ZNF721: variants seen among roughly 807,000 people sequenced by gnomAD.
The protein encoded by ZNF721 is zinc finger protein 721.
Under a neutral mutation model 2.4 loss-of-function variants are expected in ZNF721, and 2 were observed. The observed-to-expected ratio is 0.82, with a 90% confidence interval of 0.34 to 2.58. The LOEUF is 2.58. Among genes scored for constraint, ZNF721 ranks in the 30% most tolerant of loss-of-function variants. The pLI, the probability that ZNF721 is intolerant of heterozygous loss-of-function variation, is 0.11. For synonymous variants in ZNF721, 398 were observed against 381.8 expected (o/e 1.04, Z -0.50); for missense variants, 1,187 against 1,085.5 (o/e 1.09, Z -1.31).
Position 461,352 on chromosome 4 carries a change from C to T in ZNF721, c.34+11223G>A, listed in dbSNP as rs1320621693. On this transcript the variant is annotated intron_variant, in intron 2 of 2. Transcript: ENST00000511833. ...ACATAAACAGAACCGATGACAAAAA[C>T]CACATGATTATCTCAATAGATGCAG... is the stretch of plus-strand genomic sequence containing the variant. Among the ~76,000 whole-genome samples, 7 of 152,282 alleles carry T rather than the reference C, an allele frequency of 4.6e-5. No individual in the cohort carries two copies. In the South Asian group the frequency reaches 6.2e-4, roughly 14 times the overall value.
intron 1 of ZNF721, among the ~76,000 whole-genome samples, chr4:478,470 AT>A (rs1158948278): frequency 1.3e-5 from 2 of 151,756 alleles, no homozygotes; most frequent in Admixed American, 6.6e-5. Context: ...CTCCTCTCTC[AT>A]TTTTTTAACT....
rs781948850 is a variant in ZNF721 at position 444,419 on chromosome 4, A to C, written c.48T>G (p.His16Gln). Residue 16 changes from histidine (H) to glutamine (Q), a missense_variant, in exon 3 of 3, where the codon CAT (histidine) becomes CAG (glutamine). His to Gln is a conservative substitution (Grantham distance 24, BLOSUM62 0). Coordinates refer to ENST00000511833, the MANE Select transcript of ZNF721 (RefSeq NM_133474.4). ...GCACTGGCAAAAAGTCTTGGGTGAA[A>C]TGAGAACACATAGCTGAAAGAAACA... ...RNLVSLAMCS[H>Q]FTQDFLPVQG... 3.2e-6 allele frequency: 5 copies of C among 1,581,744 alleles called. No individual in the cohort carries two copies. Among genetic ancestry groups the C allele is most frequent in the Admixed American group, 3.8e-5 (2 of 52,550 alleles).
At chr4:498,730 T>C (rs938218442) in intron 1 of ZNF721, among the ~76,000 whole-genome samples, 2 of 146,710 alleles carry the variant, frequency 1.4e-5, no homozygotes, top group African/African-American at 5.2e-5. Flanking sequence ...AATTTTCTTT[T>C]TTTTTTTTTT....
At chr4:473,128 C>T (rs920359748) in intron 1 of ZNF721, among the ~76,000 whole-genome samples, 2 of 152,078 alleles carry the variant, frequency 1.3e-5, no homozygotes, top group African/African-American at 2.4e-5. Context: ...CACTTCACTA[C>T]GGGAAGACTG....
intron 1 of ZNF721, among the ~76,000 whole-genome samples, chr4:475,100 T>C (rs1324680941): frequency 6.6e-6 from 1 of 151,704 alleles, no homozygotes; most frequent in African/African-American, 2.4e-5. Flanking sequence ...GGCAGGAGAA[T>C]GGCGTGAACC....
At chr4:459,105 TGA>T (rs1286235190) in intron 2 of ZNF721, among the ~76,000 whole-genome samples, 2 of 152,130 alleles carry the variant, frequency 1.3e-5, no homozygotes, top group African/African-American at 4.8e-5. Flanking sequence ...AAGCAAATGC[TGA>T]GAGATTGTCA....
At chr4:472,537 A>T (rs1553867844) in intron 2 of ZNF721, 38 bp downstream of exon 2, 1 of 1,572,728 alleles carries the variant, frequency 6.4e-7, no homozygotes, top group East Asian at 2.2e-5. Flanking sequence ...TAAAACTCAG[A>T]GGGAGTATTA....
chr4:442,053 C>T lies in ZNF721; in HGVS notation c.2414G>A (p.Gly805Asp), dbSNP rs781876306. ...TTCTAAACATTTAAAGGGTTTCTCA[C>T]CTGTATGAATCCTCTTATGTTTAGC... ...SFAKHKRIHT[G>D]EKPFKCLECG... is the part of the protein sequence containing the mutation. The change falls in exon 3 of 3, where the codon GGT becomes GAT. Residue 805 changes from glycine to aspartate, a missense_variant. Transcript: ENST00000511833. The T allele has an allele frequency of 1.9e-6, 3 of 1,613,906 alleles. No individual in the cohort carries two copies. The highest frequency in any genetic ancestry group is 2.2e-5 in the South Asian group (2 of 91,076).
rs572588373 is a variant in ZNF721 at position 496,273 on chromosome 4, C to T, written c.-94+2783G>A. Among the ~76,000 whole-genome samples the T allele has an allele frequency of 2.0e-5, 3 of 152,214 alleles. No homozygotes were observed. In the East Asian group the frequency reaches 5.8e-4, roughly 29 times the overall value. Reference sequence around the variant, plus strand: ...GGACCCAAAACGTGCTGCTTGCAGACCTAGCTTTTCAGGGCTGTTACCCCC... The same window carrying T: ...GGACCCAAAACGTGCTGCTTGCAGATCTAGCTTTTCAGGGCTGTTACCCCC... On this transcript the variant is annotated intron_variant, in intron 1 of 2. Coordinates refer to ENST00000511833, the MANE Select transcript of ZNF721 (RefSeq NM_133474.4).
chr4:494,786 C>A (rs1716107668), intron 1 of ZNF721, among the ~76,000 whole-genome samples: 1 of 152,018 alleles, frequency 6.6e-6, no homozygotes, highest in Non-Finnish European at 1.5e-5. Flanking sequence ...TAGATAGGGA[C>A]TACTGGATCT....
rs1045850031 is a variant in ZNF721, at chr4:439,998, A to G, written c.*1697T>C. ...TTCACGGCACAAAAATTTTAACACA[A>G]TAACAATTTTTATTTCAAAAATTAA... is the stretch of plus-strand genomic sequence containing the variant. On this transcript the variant is annotated 3_prime_UTR_variant, in exon 3 of 3. Coordinates refer to ENST00000511833, the MANE Select transcript of ZNF721 (RefSeq NM_133474.4). The G allele has an allele frequency of 5.3e-5, 8 of 152,186 alleles. No individual in the cohort carries two copies. The highest frequency in any genetic ancestry group is 4.6e-4 in the Admixed American group (7 of 15,282). The allele number at this position is 152,186 out of a possible 1,614,324, so 9.4% of individuals were successfully genotyped here. A position where few individuals can be genotyped will look rare whatever the true frequency, so the allele number is the denominator to read the frequency against.
chr4:488,935 GA>G (rs1280768082), intron 1 of ZNF721, among the ~76,000 whole-genome samples: 4 of 152,122 alleles, frequency 2.6e-5, no homozygotes, highest in Admixed American at 6.5e-5. Flanking sequence ...CTCAGGAGAG[GA>G]AAAACACCCA....
At chr4:470,279 G>A (rs1715391787) in intron 2 of ZNF721, among the ~76,000 whole-genome samples, 1 of 152,062 alleles carries the variant, frequency 6.6e-6, no homozygotes, top group South Asian at 2.1e-4. Context: ...CAAAACATAT[G>A]GAAAAACCTT....
intron 1 of ZNF721, among the ~76,000 whole-genome samples, chr4:491,199 G>A (rs1042990238): frequency 9.2e-5 from 14 of 152,078 alleles, no homozygotes; most frequent in Middle Eastern, 3.2e-3. Context: ...AGGCCAAGGC[G>A]GGTAGATCAC....
chr4:458,436 G>A (rs1714911410), intron 2 of ZNF721, among the ~76,000 whole-genome samples: 1 of 152,128 alleles, frequency 6.6e-6, no homozygotes, highest in Non-Finnish European at 1.5e-5. Context: ...ACTGAAAGAG[G>A]TATTTACTCC....
In ZNF721 at chr4:443,515, CG is replaced by C; in HGVS notation, c.951del (p.Ala318GlnfsTer59). 1 of 1,607,420 alleles carries C rather than the reference CG, an allele frequency of 6.2e-7. No individual in the cohort carries two copies. The highest frequency in any genetic ancestry group is 8.5e-7 in the Non-Finnish European group (1 of 1,177,990). Reference protein sequence around the residue: ...CEVCGKAFRQSANLYVHRRIH... With the variant: ...CEVCGKAFRQXANLYVHRRIH... ...ATTCTCCTATGTACATAAAGGTTTG[CG>C]GACTGTCTAAAGGCTTTGCCACATA... is the stretch of plus-strand genomic sequence containing the variant. On this transcript the variant is annotated frameshift_variant, in exon 3 of 3. Coordinates refer to ENST00000511833, the MANE Select transcript of ZNF721 (RefSeq NM_133474.4). LOFTEE classifies it low-confidence loss of function (END_TRUNC).
At chr4:486,950 C>T (rs1253276394) in intron 1 of ZNF721, among the ~76,000 whole-genome samples, 4 of 152,166 alleles carry the variant, frequency 2.6e-5, no homozygotes, top group East Asian at 1.9e-4. Context: ...AGTGTCACTC[C>T]AGCCCCTTGA....
chr4:446,085 G>C lies in ZNF721; in HGVS notation c.35-1653C>G, dbSNP rs571236066. On this transcript the variant is annotated intron_variant, in intron 2 of 2. Transcript: ENST00000511833. The stretch of plus-strand genomic sequence containing the variant: ...GAAAAAGTATATTAGCACAACACCT[G>C]TCTTACCAAAAAAATGCTGAAGAAA... Among the ~76,000 whole-genome samples the C allele has an allele frequency of 9.2e-5, 14 of 151,840 alleles. No homozygotes were observed. In the South Asian group the frequency reaches 1.9e-3, roughly 20 times the overall value.
intron 1 of ZNF721, among the ~76,000 whole-genome samples, chr4:483,790 A>G (rs1553869857): frequency 6.6e-6 from 1 of 152,186 alleles, no homozygotes. Flanking sequence ...TCCTAACATA[A>G]TATTTCAGAA....
Sources: gnomAD v4.1 joint callset for allele counts (sites outside exome capture counted in the v4.1 genomes callset) on GRCh38, gnomAD v4.1.1 for gene constraint, MANE v1.5 for transcripts, NCBI Gene and HGNC (gene_info 2026-07-23, HGNC 2026-07-21) for gene names.